BACE1: variants seen among roughly 807,000 people sequenced by gnomAD.
BACE1 encodes the protein APP beta-secretase.
BACE1 carries 21 observed loss-of-function variants against 54.0 expected under a neutral mutation model. The ratio of observed to expected loss-of-function variants is 0.39; its 90% CI spans 0.28 to 0.56. The LOEUF (loss-of-function observed/expected upper bound fraction) is 0.56, where lower values mean the gene tolerates loss of function less well. Ranked by LOEUF, BACE1 falls within the 20% of genes least tolerant of loss-of-function variation. The pLI is 0.63. For synonymous variants in BACE1, 232 were observed against 260.9 expected (o/e 0.89, Z 1.07); for missense variants, 511 against 661.2 (o/e 0.77, Z 2.49).
intron 1 of BACE1, among the ~76,000 whole-genome samples, chr11:117,312,515 T>C (rs901784798): frequency 1.3e-5 from 2 of 152,070 alleles, no homozygotes; most frequent in African/African-American, 4.8e-5. Flanking sequence ...CAGGCTGGAG[T>C]GCAATGGCGT....
intron 1 of BACE1, among the ~76,000 whole-genome samples, chr11:117,306,726 G>A (rs1393626327): frequency 6.6e-6 from 1 of 152,092 alleles, no homozygotes; most frequent in East Asian, 1.9e-4. Context: ...CTGGAGAATT[G>A]CTTGAACCCA....
Position 117,289,286 on chromosome 11 carries a change from A to G in BACE1, c.*280T>C. On this transcript the variant is annotated 3_prime_UTR_variant, in exon 9 of 9. Transcript: ENST00000313005. ...ATGGTGGACAAAGGTTCAGGGCTGA[A>G]GTTTCAAGCAGCAGAATTTCCCGAC... The G allele has an allele frequency of 2.4e-6, 1 of 409,750 alleles. No individual in the cohort carries two copies. The allele number at this position is 409,750 out of a possible 1,614,324, so 25.4% of individuals were successfully genotyped here.
chr11:117,316,153 G>A lies in BACE1; in HGVS notation c.-358C>T, dbSNP rs902880888. 7 of 398,796 alleles carry A rather than the reference G, an allele frequency of 1.8e-5. No individual in the cohort carries two copies. The highest frequency in any genetic ancestry group is 1.4e-4 in the African/African-American group (7 of 48,516). The allele number at this position is 398,796 out of a possible 1,614,324, so 24.7% of individuals were successfully genotyped here. On this transcript the variant is annotated 5_prime_UTR_variant, in exon 1 of 9. Transcript: ENST00000313005. ...CCCGGCGGGCGGCGGCGCGGGCAGG[G>A]GCAAGGGCTCCGGGCTCCTGCGGCT...
intron 1 of BACE1, among the ~76,000 whole-genome samples, chr11:117,309,474 T>A (rs1306746464): frequency 6.6e-6 from 1 of 152,206 alleles, no homozygotes; most frequent in Non-Finnish European, 1.5e-5. Context: ...CCGTTTTGGC[T>A]GGGCGCGGTG....
In BACE1 at chr11:117,287,623, AT is replaced by A. The variant is rs2034297997; in HGVS notation, c.*1942del. 6.6e-6 allele frequency: 1 copy of A among 152,482 alleles called. No homozygotes were observed. Among genetic ancestry groups the A allele is most frequent in the African/African-American group, 2.4e-5 (1 of 41,462 alleles). The allele number at this position is 152,482 out of a possible 1,614,324, so 9.4% of individuals were successfully genotyped here. A position where few individuals can be genotyped will look rare whatever the true frequency, so the allele number is the denominator to read the frequency against. The stretch of plus-strand genomic sequence containing the variant: ...CCAGTTTTTCCCAACATGGGTAGAA[AT>A]TATAAAGCAAAATGTGGCATTTTCA... On this transcript the variant is annotated 3_prime_UTR_variant, in exon 9 of 9. Coordinates refer to ENST00000313005, the MANE Select transcript of BACE1 (RefSeq NM_012104.6).
chr11:117,311,617 T>A (rs918765286), intron 1 of BACE1, among the ~76,000 whole-genome samples: 1 of 152,186 alleles, frequency 6.6e-6, no homozygotes, highest in Non-Finnish European at 1.5e-5. Context: ...CCCCTGTGCC[T>A]GTGTCTTTCA....
At chr11:117,292,781 A>C (rs934766663) in intron 5 of BACE1, 2 of 317,676 alleles carry the variant, frequency 6.3e-6, no homozygotes, top group Admixed American at 4.8e-5. Context: ...TGTCTCACAA[A>C]AGACTTGCCC....
At chr11:117,295,374 G>A in intron 2 of BACE1, 27 bp from the exon 3 acceptor site, 1 of 1,608,002 alleles carries the variant, frequency 6.2e-7, no homozygotes, top group Non-Finnish European at 8.5e-7. Flanking sequence ...GAGATCTGTG[G>A]ATGCATAACC....
Position 117,297,007 on chromosome 11 carries a change from C to T in BACE1, c.262-46G>A, listed in dbSNP as rs370124329. The T allele has an allele frequency of 3.8e-5, 54 of 1,403,302 alleles. No homozygotes were observed. In the African/African-American group the frequency reaches 4.8e-4, roughly 13 times the overall value. 86.9% of individuals were successfully genotyped at this position (1,403,302 alleles called of 1,614,324 possible). A position where few individuals can be genotyped will look rare whatever the true frequency, so the allele number is the denominator to read the frequency against. On this transcript the variant is annotated intron_variant, in intron 1 of 8. Coordinates refer to ENST00000313005, the MANE Select transcript of BACE1 (RefSeq NM_012104.6). ...AAAAGACAGTATAGACAGGAGGCTT[C>T]GGTCACACCACCTTTATTATCCCTC...
rs1482684914 is a variant in BACE1, at chr11:117,293,248, A to G, written c.706-60T>C. On this transcript the variant is annotated intron_variant, in intron 4 of 8. Coordinates refer to ENST00000313005, the MANE Select transcript of BACE1 (RefSeq NM_012104.6). This position sits in a 1 kb window ranked among gnomAD's most constrained non-coding sequence, Gnocchi z 4.1. ...GCACAGAAGGAGAGTGAGTCCCCCAAGGACCAAGCAATAAGATCAGTGATT... is the reference window on the plus strand; with the variant it reads ...GCACAGAAGGAGAGTGAGTCCCCCAGGGACCAAGCAATAAGATCAGTGATT... The G allele has an allele frequency of 1.1e-5, 18 of 1,571,440 alleles. No homozygotes were observed. The highest frequency in any genetic ancestry group is 1.1e-4 in the South Asian group (9 of 85,106).
Position 117,315,556 on chromosome 11 carries a change from G to A in BACE1, c.240C>T (p.Thr80=). ...KSGQGYYVEM[T]VGSPPQTLNI... The stretch of plus-strand genomic sequence containing the variant: ...TTACCGTCTGCGGGGGGCTGCCCAC[G>A]GTCATCTCCACGTAGTAGCCCTGCC... The change falls in exon 1 of 9, where the codon ACC becomes ACT. Residue 80 remains threonine, a synonymous_variant. Coordinates refer to ENST00000313005, the MANE Select transcript of BACE1 (RefSeq NM_012104.6). This position sits in a 1 kb window ranked among gnomAD's most constrained non-coding sequence, Gnocchi z 5.5. 1 of 1,587,186 alleles carries A rather than the reference G, an allele frequency of 6.3e-7. No individual in the cohort carries two copies. The highest frequency in any genetic ancestry group is 2.4e-5 in the East Asian group (1 of 41,120).
rs1166669550 is a variant in BACE1 at position 117,286,322 on chromosome 11, A to G, written c.*3244T>C. On this transcript the variant is annotated 3_prime_UTR_variant, in exon 9 of 9. Transcript: ENST00000313005. ...TCCACCTCTGCTTATTGTACTTCTT[A>G]ATTTTAGGTTTTATACCTGGGAAAG... 6.6e-6 allele frequency: 1 copy of G among 152,136 alleles called. No individual in the cohort carries two copies. The highest frequency in any genetic ancestry group is 2.4e-5 in the African/African-American group (1 of 41,428). The allele number at this position is 152,136 out of a possible 1,614,324, so 9.4% of individuals were successfully genotyped here.
chr11:117,315,675 GCCC>G lies in BACE1; in HGVS notation c.118_120del (p.Gly40del). Reference sequence around the variant, plus strand: ...TCGTCGGTCTCCCGGGGCAGCCGCAGCCCCAGGGGGGCGCCCCCCAGGCCGCTG... The same window carrying G: ...TCGTCGGTCTCCCGGGGCAGCCGCAGCAGGGGGGCGCCCCCCAGGCCGCTG... On this transcript the variant is annotated inframe_deletion, in exon 1 of 9. Coordinates refer to ENST00000313005, the MANE Select transcript of BACE1 (RefSeq NM_012104.6). This position sits in a 1 kb window ranked among gnomAD's most constrained non-coding sequence, Gnocchi z 5.5. The G allele has an allele frequency of 4.6e-6, 7 of 1,534,670 alleles. No homozygotes were observed. Among genetic ancestry groups the G allele is most frequent in the Non-Finnish European group, 5.2e-6 (6 of 1,143,320 alleles).
In BACE1 at chr11:117,288,210, TTC is replaced by T. The variant is rs1419905624; in HGVS notation, c.*1354_*1355del. 3 of 152,278 alleles carry T rather than the reference TTC, an allele frequency of 2.0e-5. No homozygotes were observed. Among genetic ancestry groups the T allele is most frequent in the Non-Finnish European group, 4.4e-5 (3 of 68,056 alleles). 9.4% of individuals were successfully genotyped at this position (152,278 alleles called of 1,614,324 possible). A position where few individuals can be genotyped will look rare whatever the true frequency, so the allele number is the denominator to read the frequency against. ...AAGGAAGCCCTGAGGCTGCCATCCT[TTC>T]TCCAGGCAGCCTTGATACTGAAGGC... On this transcript the variant is annotated 3_prime_UTR_variant, in exon 9 of 9. Coordinates refer to ENST00000313005, the MANE Select transcript of BACE1 (RefSeq NM_012104.6).
At chr11:117,304,915 G>T (rs2034796834) in intron 1 of BACE1, among the ~76,000 whole-genome samples, 2 of 150,458 alleles carry the variant, frequency 1.3e-5, no homozygotes, top group African/African-American at 4.9e-5. Context: ...GACAGCAACT[G>T]CCTCATTCCC....
chr11:117,314,144 G>A (rs998152430), intron 1 of BACE1, among the ~76,000 whole-genome samples: 1 of 152,168 alleles, frequency 6.6e-6, no homozygotes, highest in African/African-American at 2.4e-5. Flanking sequence ...CATGTCAGTC[G>A]CAGAAACAGG....
In BACE1 at chr11:117,315,847, C is replaced by T. The variant is rs963595442; in HGVS notation, c.-52G>A. 1.5e-6 allele frequency: 2 copies of T among 1,368,554 alleles called. No homozygotes were observed. Among genetic ancestry groups the T allele is most frequent in the African/African-American group, 1.5e-5 (1 of 65,024 alleles). The allele number at this position is 1,368,554 out of a possible 1,614,324, so 84.8% of individuals were successfully genotyped here. The stretch of plus-strand genomic sequence containing the variant: ...GGGCTCGCACTGGCCCACGTCCGTC[C>T]CTGGCGCCTGCCCCCAAGTCTGGGT... On this transcript the variant is annotated 5_prime_UTR_variant, in exon 1 of 9. Coordinates refer to ENST00000313005, the MANE Select transcript of BACE1 (RefSeq NM_012104.6). This position sits in a 1 kb window ranked among gnomAD's most constrained non-coding sequence, Gnocchi z 5.5.
At chr11:117,292,881 C>G in intron 5 of BACE1, 173 bp downstream of exon 5, 1 of 713,468 alleles carries the variant, frequency 1.4e-6, no homozygotes. Flanking sequence ...GGCCCCAAAC[C>G]GCAGATCCTG....
chr11:117,304,981 G>A (rs1341616733), intron 1 of BACE1, among the ~76,000 whole-genome samples: 12 of 54,522 alleles, frequency 2.2e-4, no homozygotes, highest in Admixed American at 1.9e-4. Flanking sequence ...TTTTTTTTTT[G>A]AGGTGGGTTC....
Sources: allele counts gnomAD v4.1 joint callset (sites outside exome capture counted in the v4.1 genomes callset), GRCh38; gene constraint gnomAD v4.1.1; non-coding constraint Gnocchi (gnomAD v3.1); transcripts MANE v1.5; gene names NCBI Gene and HGNC (gene_info 2026-07-23, HGNC 2026-07-21).